SNPH: variants seen among roughly 807,000 people sequenced by gnomAD.
SNPH encodes the protein syntaphilin.
A neutral mutation model predicts 36.8 loss-of-function variants in SNPH; 10 were observed. The observed-to-expected ratio is 0.27, with a 90% CI of 0.17 to 0.46. The LOEUF (loss-of-function observed/expected upper bound fraction) is 0.46. Among genes scored for constraint, SNPH ranks in the 20% least tolerant of loss-of-function variants. The pLI, the probability that SNPH is intolerant of heterozygous loss-of-function variation, is 1.00. For synonymous variants in SNPH, 281 were observed against 312.2 expected (o/e 0.90, Z 1.05); for missense variants, 622 against 744.0 (o/e 0.84, Z 1.91).
At position 1,306,263 on chromosome 20, in the gene SNPH, G is replaced by A; in HGVS notation, c.*209G>A. 1 of 464,182 alleles carries A rather than the reference G, an allele frequency of 2.2e-6. No individual in the cohort carries two copies. The highest frequency in any genetic ancestry group is 3.6e-6 in the Non-Finnish European group (1 of 276,940). 28.8% of individuals were successfully genotyped at this position (464,182 alleles called of 1,614,324 possible). ...GCTTCGATGGAGAGCAGGGAAGGGG[G>A]ACCCAAGGCAGGAGGTACACCAGCT... is the stretch of plus-strand genomic sequence containing the variant. On this transcript the variant is annotated 3_prime_UTR_variant, in exon 7 of 7. Coordinates refer to ENST00000381867, the MANE Select transcript of SNPH (RefSeq NM_001318234.2).
intron 5 of SNPH, among the ~76,000 whole-genome samples, chr20:1,297,610 G>C (rs2088454983): frequency 1.3e-5 from 2 of 152,174 alleles, no homozygotes; most frequent in Non-Finnish European, 2.9e-5. Flanking sequence ...ATCACAGGTG[G>C]CTTCTGTACC....
In SNPH at chr20:1,276,979, C is replaced by T. The variant is rs912577476; in HGVS notation, c.-493+10219C>T. Among the ~76,000 whole-genome samples, 3 of 152,146 alleles carry T rather than the reference C, an allele frequency of 2.0e-5. No homozygotes were observed. Among genetic ancestry groups the T allele is most frequent in the African/African-American group, 7.2e-5 (3 of 41,418 alleles). On this transcript the variant is annotated intron_variant, in intron 2 of 6. Coordinates refer to ENST00000381867, the MANE Select transcript of SNPH (RefSeq NM_001318234.2). The surrounding 1 kb of genome is among the most constrained non-coding windows in gnomAD (Gnocchi z 4.6). ...ATGTCTGTTTTGCACAGATAAAAGA[C>T]AGACTTCTGCTGGAGTTGTGAACTA...
Position 1,266,912 on chromosome 20 carries a change from C to G in SNPH, c.-493+152C>G, listed in dbSNP as rs556104974. 6.6e-6 allele frequency among the ~76,000 whole-genome samples: 1 copy of G among 152,162 alleles called. No homozygotes were observed. The highest frequency in any genetic ancestry group is 6.5e-5 in the Admixed American group (1 of 15,288). ...CTCATTCTTACCCTCCCTTCATTCC[C>G]CTACATCCCTTTAAGCGCTTCCCTC... is the stretch of plus-strand genomic sequence containing the variant. On this transcript the variant is annotated intron_variant, in intron 2 of 6. Coordinates refer to ENST00000381867, the MANE Select transcript of SNPH (RefSeq NM_001318234.2). This position sits in a 1 kb window ranked among gnomAD's most constrained non-coding sequence, Gnocchi z 6.0.
chr20:1,296,715 C>T (rs936679789), intron 4 of SNPH, among the ~76,000 whole-genome samples: 7 of 152,192 alleles, frequency 4.6e-5, no homozygotes, highest in African/African-American at 1.7e-4. Context: ...CAGTCATCCA[C>T]TCAGACTCAC....
At chr20:1,280,597 C>T (rs1426665683) in intron 2 of SNPH, among the ~76,000 whole-genome samples, 1 of 152,130 alleles carries the variant, frequency 6.6e-6, no homozygotes, top group African/African-American at 2.4e-5. Flanking sequence ...ACCCAGAGGT[C>T]AAGAGAGGTA....
In SNPH at chr20:1,266,519, C is replaced by T. The variant is rs1378968486; in HGVS notation, c.-600+122C>T. Reference sequence around the variant, plus strand: ...GGGCCGCGAGGAGGAGGGGACGGAGCACCCGGCAGGCAGCCTGCCCTCCAA... The same window carrying T: ...GGGCCGCGAGGAGGAGGGGACGGAGTACCCGGCAGGCAGCCTGCCCTCCAA... On this transcript the variant is annotated intron_variant, in intron 1 of 6. Transcript: ENST00000381867. The surrounding 1 kb of genome is among the most constrained non-coding windows in gnomAD (Gnocchi z 6.0). The T allele has an allele frequency of 3.2e-6, 4 of 1,268,152 alleles. No individual in the cohort carries two copies. The highest frequency in any genetic ancestry group is 4.1e-6 in the Non-Finnish European group (4 of 977,176). The allele number at this position is 1,268,152 out of a possible 1,614,324, so 78.6% of individuals were successfully genotyped here.
rs1408788116 is a variant in SNPH, at chr20:1,294,637, C to T, written c.-492-314C>T. ...AGACAATGCTGGCTGTGTCCAGACCCTCCAGGGGAACAGGCTGTGTTCTAT... is the reference window on the plus strand; with the variant it reads ...AGACAATGCTGGCTGTGTCCAGACCTTCCAGGGGAACAGGCTGTGTTCTAT... On this transcript the variant is annotated intron_variant, in intron 2 of 6. Transcript: ENST00000381867. The surrounding 1 kb of genome is among the most constrained non-coding windows in gnomAD (Gnocchi z 4.4). 2.0e-5 allele frequency among the ~76,000 whole-genome samples: 3 copies of T among 152,226 alleles called. No homozygotes were observed. Among genetic ancestry groups the T allele is most frequent in the Admixed American group, 6.5e-5 (1 of 15,288 alleles).
rs1299083582 is a variant in SNPH, at chr20:1,307,764, G to T, written c.*1710G>T. 6.6e-6 allele frequency: 1 copy of T among 152,466 alleles called. No homozygotes were observed. Among genetic ancestry groups the T allele is most frequent in the Non-Finnish European group, 1.5e-5 (1 of 68,112 alleles). The allele number at this position is 152,466 out of a possible 1,614,324, so 9.4% of individuals were successfully genotyped here. A position where few individuals can be genotyped will look rare whatever the true frequency, so the allele number is the denominator to read the frequency against. On this transcript the variant is annotated 3_prime_UTR_variant, in exon 7 of 7. Transcript: ENST00000381867. ...CTGCCACACGCTTTGTGCCTCCAAAGCTCCCCCCGCCTTGGTCAGGGCCTC... is the reference window on the plus strand; with the variant it reads ...CTGCCACACGCTTTGTGCCTCCAAATCTCCCCCCGCCTTGGTCAGGGCCTC...
At chr20:1,269,348 C>A (rs2088045931) in intron 2 of SNPH, among the ~76,000 whole-genome samples, 1 of 152,120 alleles carries the variant, frequency 6.6e-6, no homozygotes, top group Non-Finnish European at 1.5e-5. Flanking sequence ...TTATGAAGTC[C>A]CAGACCATTA....
intron 2 of SNPH, among the ~76,000 whole-genome samples, chr20:1,277,541 G>A (rs2088148587): frequency 1.0e-5 from 1 of 98,246 alleles, no homozygotes; most frequent in Admixed American, 1.2e-4. Flanking sequence ...GTGCATGTGT[G>A]TCTGTGTGTG....
At position 1,285,267 on chromosome 20, in the gene SNPH, G is replaced by A. The variant is rs954192828; in HGVS notation, c.-492-9684G>A. ...AGATACTCTGTTAGACCAAAGTGGC[G>A]GTGTCCTGAAATCCTGTTGTTTGGT... On this transcript the variant is annotated intron_variant, in intron 2 of 6. Coordinates refer to ENST00000381867, the MANE Select transcript of SNPH (RefSeq NM_001318234.2). This position sits in a 1 kb window ranked among gnomAD's most constrained non-coding sequence, Gnocchi z 4.9. Among the ~76,000 whole-genome samples the A allele has an allele frequency of 3.9e-5, 6 of 152,142 alleles. No individual in the cohort carries two copies. Among genetic ancestry groups the A allele is most frequent in the Admixed American group, 1.3e-4 (2 of 15,270 alleles).
chr20:1,294,644 G>T lies in SNPH; in HGVS notation c.-492-307G>T, dbSNP rs1441848115. On this transcript the variant is annotated intron_variant, in intron 2 of 6. Transcript: ENST00000381867. This position sits in a 1 kb window ranked among gnomAD's most constrained non-coding sequence, Gnocchi z 4.4. ...GCTGGCTGTGTCCAGACCCTCCAGG[G>T]GAACAGGCTGTGTTCTATGTCCCCG... 3.3e-5 allele frequency among the ~76,000 whole-genome samples: 5 copies of T among 152,186 alleles called. No homozygotes were observed. Among genetic ancestry groups the T allele is most frequent in the Non-Finnish European group, 7.3e-5 (5 of 68,028 alleles).
rs2088012758 is a variant in SNPH, at chr20:1,266,887, C to T, written c.-493+127C>T. ...CCAGCCTAAGAGGGGTTAATCGTGA[C>T]TCATTCTTACCCTCCCTTCATTCCC... On this transcript the variant is annotated intron_variant, in intron 2 of 6. Transcript: ENST00000381867. The surrounding 1 kb of genome is among the most constrained non-coding windows in gnomAD (Gnocchi z 6.0). The T allele has an allele frequency of 8.2e-7, 1 of 1,212,464 alleles. No homozygotes were observed. Among genetic ancestry groups the T allele is most frequent in the South Asian group, 3.2e-5 (1 of 30,812 alleles). 75.1% of individuals were successfully genotyped at this position (1,212,464 alleles called of 1,614,324 possible).
chr20:1,286,957 GCA>G (rs1277791909), intron 2 of SNPH, among the ~76,000 whole-genome samples: 36 of 152,188 alleles, frequency 2.4e-4, no homozygotes, highest in African/African-American at 8.2e-4. Flanking sequence ...GCAAAGCACA[GCA>G]CACACAGGGC....
At position 1,305,198 on chromosome 20, in the gene SNPH, C is replaced by A; in HGVS notation, c.761C>A (p.Thr254Asn). The A allele has an allele frequency of 6.2e-7, 1 of 1,611,994 alleles. No homozygotes were observed. The stretch of plus-strand genomic sequence containing the variant: ...GGTGGGTCCCCTGCCCGCTCCCTCA[C>A]CCGCAGCTCCACCTACACCAAGCTG... ...SAGGSPARSL[T>N]RSSTYTKLSD... is the part of the protein sequence containing the mutation. Residue 254 changes from threonine (T) to asparagine (N), a missense_variant, in exon 7 of 7, where the codon ACC becomes AAC. By Grantham distance (65) the Thr-to-Asn change is moderately conservative (BLOSUM62 0). Transcript: ENST00000381867.
chr20:1,289,396 G>A (rs925864467), intron 2 of SNPH, among the ~76,000 whole-genome samples: 5 of 152,068 alleles, frequency 3.3e-5, no homozygotes, highest in Admixed American at 1.3e-4. Flanking sequence ...GTCAGGTAGA[G>A]GGGGGGCACT....
chr20:1,284,286 C>T (rs1339144075), intron 2 of SNPH, among the ~76,000 whole-genome samples: 1 of 152,136 alleles, frequency 6.6e-6, no homozygotes, highest in African/African-American at 2.4e-5. Context: ...TGTTGACTTG[C>T]TAAGAGGCCT....
intron 2 of SNPH, among the ~76,000 whole-genome samples, chr20:1,289,565 CAG>C (rs2088329611): frequency 6.8e-6 from 1 of 147,970 alleles, no homozygotes; most frequent in African/African-American, 2.5e-5. Context: ...ACAATGGAGT[CAG>C]GGGCATGGTG....
At chr20:1,277,317 C>A (rs2088143518) in intron 2 of SNPH, among the ~76,000 whole-genome samples, 1 of 152,124 alleles carries the variant, frequency 6.6e-6, no homozygotes, top group Non-Finnish European at 1.5e-5. Context: ...TGAGGGACTC[C>A]TTGGGACTAG....
Sources: allele counts gnomAD v4.1 joint callset (sites outside exome capture counted in the v4.1 genomes callset), GRCh38; gene constraint gnomAD v4.1.1; non-coding constraint Gnocchi (gnomAD v3.1); transcripts MANE v1.5; gene names NCBI Gene and HGNC (gene_info 2026-07-23, HGNC 2026-07-21).